STK33: variants seen among roughly 807,000 people sequenced by gnomAD.
The protein encoded by STK33 is serine/threonine-protein kinase 33.
A neutral mutation model predicts 58.0 loss-of-function variants in STK33; 52 were observed. The ratio of observed to expected loss-of-function variants is 0.90; its 90% CI spans 0.72 to 1.13. The LOEUF (loss-of-function observed/expected upper bound fraction) is 1.13. Among genes scored for constraint, STK33 ranks in the 50% most tolerant of loss-of-function variants. STK33 has a pLI of 0.00. For missense variants in STK33, 630 were observed against 604.2 expected (o/e 1.04, Z -0.45); for synonymous variants, 215 against 200.1 (o/e 1.07, Z -0.63).
intron 1 of STK33, among the ~76,000 whole-genome samples, chr11:8,504,597 T>G (rs541078091): frequency 1.1e-4 from 16 of 151,992 alleles, no homozygotes; most frequent in Non-Finnish European, 2.2e-4. Flanking sequence ...AAGATCAGCC[T>G]AGCAACACAG....
intron 1 of STK33, among the ~76,000 whole-genome samples, chr11:8,549,129 G>A (rs948623119): frequency 2.6e-5 from 4 of 152,092 alleles, no homozygotes; most frequent in African/African-American, 9.7e-5. Context: ...GGTCTTTATT[G>A]ATTTCAGGTA....
At chr11:8,503,789 T>G (rs556945031) in intron 1 of STK33, among the ~76,000 whole-genome samples, 9 of 152,150 alleles carry the variant, frequency 5.9e-5, no homozygotes, top group African/African-American at 2.2e-4. Context: ...AGCCTCTTAT[T>G]ATGATGATTT....
chr11:8,527,317 C>T (rs1471033430), intron 1 of STK33, among the ~76,000 whole-genome samples: 2 of 152,094 alleles, frequency 1.3e-5, no homozygotes, highest in Non-Finnish European at 2.9e-5. Context: ...TACAAACTGG[C>T]TGGGCCCTGA....
In STK33 at chr11:8,589,676, G is replaced by A. The variant is rs187099119; in HGVS notation, c.-466+4407C>T. Among the ~76,000 whole-genome samples, 9 of 152,220 alleles carry A rather than the reference G, an allele frequency of 5.9e-5. No individual in the cohort carries two copies. In the South Asian group the frequency reaches 8.3e-4, roughly 14 times the overall value. On this transcript the variant is annotated intron_variant, in intron 1 of 15. Transcript: ENST00000687296. ...ATTATATCTCAATAAAAAAAGTGAG[G>A]TGCAACTATAAAAAGGAGCCAAGTT...
intron 14 of STK33, among the ~76,000 whole-genome samples, chr11:8,431,299 A>G (rs948283457): frequency 3.3e-5 from 5 of 152,344 alleles, no homozygotes; most frequent in Non-Finnish European, 7.4e-5. Context: ...GGATGAAAAT[A>G]TACAGAAGGA....
chr11:8,447,063 T>C (rs1353403168), intron 11 of STK33, among the ~76,000 whole-genome samples: 1 of 152,176 alleles, frequency 6.6e-6, no homozygotes, highest in Non-Finnish European at 1.5e-5. Flanking sequence ...TTTTGCAATC[T>C]TTCCATCTAA....
chr11:8,591,061 ACTT>A (rs906882876), intron 1 of STK33, among the ~76,000 whole-genome samples: 39 of 152,344 alleles, frequency 2.6e-4, no homozygotes, highest in Non-Finnish European at 3.7e-4. Context: ...TCAGAAGGAT[ACTT>A]CTTCTGTAAG....
intron 1 of STK33, among the ~76,000 whole-genome samples, chr11:8,557,277 G>GAGGGA (rs1956819278): frequency 1.8e-5 from 1 of 55,166 alleles, no homozygotes; most frequent in Non-Finnish European, 3.5e-5. Flanking sequence ...GAGGGGAGGG[G>GAGGGA]AGGGGAGGGG....
chr11:8,509,441 C>T (rs1035614014), intron 1 of STK33, among the ~76,000 whole-genome samples: 8 of 152,140 alleles, frequency 5.3e-5, no homozygotes, highest in Non-Finnish European at 8.8e-5. Context: ...ACTTATTAAA[C>T]GTTTTCCAGC....
chr11:8,426,171 C>A (rs1050132752), intron 14 of STK33, among the ~76,000 whole-genome samples: 4 of 152,162 alleles, frequency 2.6e-5, no homozygotes, highest in Non-Finnish European at 4.4e-5. Flanking sequence ...AGGTTCTCAG[C>A]AGATGGATGG....
intron 1 of STK33, among the ~76,000 whole-genome samples, chr11:8,548,665 G>A (rs1381592147): frequency 1.3e-5 from 2 of 151,908 alleles, no homozygotes; most frequent in South Asian, 2.1e-4. Context: ...ATTTTGAGAG[G>A]GATTGCATTG....
chr11:8,544,722 A>G (rs1283109036), intron 1 of STK33, among the ~76,000 whole-genome samples: 1 of 152,158 alleles, frequency 6.6e-6, no homozygotes, highest in African/African-American at 2.4e-5. Context: ...TGCATGGGGG[A>G]AAACAATATA....
Position 8,538,549 on chromosome 11 carries a change from T to C in STK33, c.-466+55534A>G, listed in dbSNP as rs1158991468. On this transcript the variant is annotated intron_variant, in intron 1 of 15. Transcript: ENST00000687296. The stretch of plus-strand genomic sequence containing the variant: ...TTTAGGGTGAATCTTGTCATTTTAG[T>C]CATCATCATAGGTATTATAAAAGAT... Among the ~76,000 whole-genome samples the C allele has an allele frequency of 3.3e-5, 5 of 152,206 alleles. No individual in the cohort carries two copies. In the East Asian group the frequency reaches 9.6e-4, roughly 29 times the overall value.
At chr11:8,395,368 G>A (rs561905485) in intron 15 of STK33, among the ~76,000 whole-genome samples, 19 of 152,282 alleles carry the variant, frequency 1.2e-4, no homozygotes, top group East Asian at 1.9e-4. Context: ...CACCTAAGGC[G>A]TATCTTTGCT....
At chr11:8,548,675 G>A (rs1956108293) in intron 1 of STK33, among the ~76,000 whole-genome samples, 1 of 152,118 alleles carries the variant, frequency 6.6e-6, no homozygotes. Context: ...GGATTGCATT[G>A]AATCTGTAGA....
Position 8,545,450 on chromosome 11 carries a change from C to T in STK33, c.-466+48633G>A, listed in dbSNP as rs371661357. On this transcript the variant is annotated intron_variant, in intron 1 of 15. Coordinates refer to ENST00000687296, the MANE Select transcript of STK33 (RefSeq NM_001352389.2). ...AAATATCCCAATCAAGTAGTATCCC[C>T]TTGAAGGAAAATACAAATTTAAGAT... Among the ~76,000 whole-genome samples the T allele has an allele frequency of 6.2e-3, 940 of 152,222 alleles. 8 individuals are homozygous for T. Among genetic ancestry groups the T allele is most frequent in the African/African-American group, 0.021 (878 of 41,528 alleles).
At chr11:8,414,392 T>C (rs954020104) in intron 14 of STK33, among the ~76,000 whole-genome samples, 3 of 152,144 alleles carry the variant, frequency 2.0e-5, no homozygotes, top group Non-Finnish European at 2.9e-5. Context: ...ATTAGGTGTG[T>C]CTTAAATATT....
chr11:8,476,409 G>A (rs1420791454), intron 4 of STK33, among the ~76,000 whole-genome samples: 2 of 152,182 alleles, frequency 1.3e-5, no homozygotes, highest in Admixed American at 1.3e-4. Flanking sequence ...AAATTTTGTT[G>A]AATTTTGCCT....
At chr11:8,553,574 A>T (rs1956520352) in intron 1 of STK33, among the ~76,000 whole-genome samples, 1 of 152,154 alleles carries the variant, frequency 6.6e-6, no homozygotes, top group Non-Finnish European at 1.5e-5. Flanking sequence ...TATCAAAATC[A>T]AAACAGCATG....
Sources: gnomAD v4.1 joint callset for allele counts (sites outside exome capture counted in the v4.1 genomes callset) on GRCh38, gnomAD v4.1.1 for gene constraint, MANE v1.5 for transcripts, NCBI Gene and HGNC (gene_info 2026-07-23, HGNC 2026-07-21) for gene names.